Variants in SLC5A8 observed in about 807,000 individuals in gnomAD.
SLC5A8 encodes sodium-coupled monocarboxylate transporter 1.
In SLC5A8, 55 loss-of-function variants were observed where a neutral mutation model predicts 71.9. The observed-to-expected ratio is 0.77, with a 90% confidence interval of 0.62 to 0.96. SLC5A8 has a LOEUF of 0.96. Among genes scored for constraint, SLC5A8 ranks in the 40% least tolerant of loss-of-function variants. SLC5A8 has a pLI of 0.00. For synonymous variants in SLC5A8, 307 were observed against 276.1 expected, an observed-to-expected ratio of 1.11 and a Z score of -1.11; for missense variants, 701 against 745.3, an observed-to-expected ratio of 0.94 and a Z score of 0.69.
intron 10 of SLC5A8, among the ~76,000 whole-genome samples, chr12:101,176,926 G>T (rs539801697): frequency 2.0e-5 from 3 of 151,742 alleles, no homozygotes; most frequent in Non-Finnish European, 4.4e-5. Context: ...AAAGATAAAA[G>T]TTAAAAATCA....
chr12:101,195,187 T>C, intron 3 of SLC5A8, 25 bp from the exon 4 acceptor site: 1 of 1,609,958 alleles, frequency 6.2e-7, no homozygotes, highest in African/African-American at 1.3e-5. Context: ...AGAATGCATA[T>C]ATAATTGTGA....
Position 101,158,293 on chromosome 12 carries a change from G to C in SLC5A8, c.1666C>G (p.Leu556Val). ...TTGGATAAAAAGTCCTCTTTGGTTA[G>C]TATGTATCTGGGGTCTAAGTTCTGT... Reference protein sequence around the residue: ...RKQNLDPRYILTKEDFLSNFD... With the variant: ...RKQNLDPRYIVTKEDFLSNFD... Residue 556 changes from leucine (L) to valine (V), a missense_variant, in exon 14 of 15, where the codon CTA becomes GTA. Leu to Val is a conservative substitution (Grantham distance 32). Coordinates refer to ENST00000536262, the MANE Select transcript of SLC5A8 (RefSeq NM_145913.5). The C allele has an allele frequency of 6.3e-7, 1 of 1,593,458 alleles. No individual in the cohort carries two copies. Among genetic ancestry groups the C allele is most frequent in the Non-Finnish European group, 8.6e-7 (1 of 1,167,246 alleles).
At chr12:101,171,523 T>A (rs557032256) in intron 10 of SLC5A8, among the ~76,000 whole-genome samples, 4 of 152,232 alleles carry the variant, frequency 2.6e-5, no homozygotes, top group African/African-American at 9.6e-5. Context: ...TAGGAGTTGG[T>A]GGCGCCCTTG....
At chr12:101,165,724 A>G (rs1204747099) in intron 12 of SLC5A8, among the ~76,000 whole-genome samples, 8 of 152,176 alleles carry the variant, frequency 5.3e-5, no homozygotes, top group Non-Finnish European at 8.8e-5. Flanking sequence ...TAAGAGGGGT[A>G]TGCCGTGTCT....
At chr12:101,163,669 AAAAAC>A (rs1593361591) in intron 12 of SLC5A8, among the ~76,000 whole-genome samples, 2 of 152,240 alleles carry the variant, frequency 1.3e-5, no homozygotes, top group Admixed American at 6.5e-5. Flanking sequence ...AAACAAAAAC[AAAAAC>A]AAAACAATGA....
In SLC5A8 at chr12:101,178,113, T is replaced by A. The variant is rs575694489; in HGVS notation, c.1233+1916A>T. On this transcript the variant is annotated intron_variant, in intron 10 of 14. Coordinates refer to ENST00000536262, the MANE Select transcript of SLC5A8 (RefSeq NM_145913.5). ...TCAATTTTATTTCTACATTTTAGCA[T>A]TGAACACATAGACATCAACATAAAA... Among the ~76,000 whole-genome samples, 136 of 152,110 alleles carry A rather than the reference T, an allele frequency of 8.9e-4. 3 individuals carry two copies. The highest frequency in any genetic ancestry group is 2.8e-4 in the Non-Finnish European group (19 of 67,966).
Position 101,156,605 on chromosome 12 carries a change from C to G in SLC5A8, c.*674G>C, listed in dbSNP as rs2051664868. 1 of 152,172 alleles carries G rather than the reference C, an allele frequency of 6.6e-6. No individual in the cohort carries two copies. The highest frequency in any genetic ancestry group is 1.5e-5 in the Non-Finnish European group (1 of 68,088). The allele number at this position is 152,172 out of a possible 1,614,324, so 9.4% of individuals were successfully genotyped here. A position where few individuals can be genotyped will look rare whatever the true frequency, so the allele number is the denominator to read the frequency against. On this transcript the variant is annotated 3_prime_UTR_variant, in exon 15 of 15. Coordinates refer to ENST00000536262, the MANE Select transcript of SLC5A8 (RefSeq NM_145913.5). ...AGTCTAAGAAAGGCAGTATCAGCAGCCAAAGCCCAGAAACTCTAGAAAACA... is the reference window on the plus strand; with the variant it reads ...AGTCTAAGAAAGGCAGTATCAGCAGGCAAAGCCCAGAAACTCTAGAAAACA...
chr12:101,162,203 G>A (rs2051730021), intron 12 of SLC5A8, 126 bp from the exon 13 acceptor site: 1 of 637,840 alleles, frequency 1.6e-6, no homozygotes, highest in South Asian at 2.2e-5. Context: ...GTCATAACCT[G>A]CTGTCCTAAT....
intron 12 of SLC5A8, among the ~76,000 whole-genome samples, chr12:101,163,960 A>G (rs935094742): frequency 6.6e-6 from 1 of 152,232 alleles, no homozygotes; most frequent in Admixed American, 6.5e-5. Context: ...ACAGAAATCA[A>G]TTCCAAAGTG....
At chr12:101,158,598 C>CTCTATATATATATA (rs1411795424) in intron 13 of SLC5A8, among the ~76,000 whole-genome samples, 6 of 21,240 alleles carry the variant, frequency 2.8e-4, no homozygotes, top group Non-Finnish European at 3.5e-4. Flanking sequence ...CTCTCTCTCT[C>CTCTATATATATATA]TATATATATA....
intron 12 of SLC5A8, among the ~76,000 whole-genome samples, chr12:101,166,118 A>G (rs891406997): frequency 2.6e-5 from 4 of 152,190 alleles, no homozygotes; most frequent in African/African-American, 7.2e-5. Flanking sequence ...GGTCAGTAAA[A>G]TCTATCTTTC....
intron 9 of SLC5A8, among the ~76,000 whole-genome samples, chr12:101,180,639 T>C (rs1646312951): frequency 6.6e-6 from 1 of 152,190 alleles, no homozygotes; most frequent in South Asian, 2.1e-4. Context: ...GCCCTTCCTA[T>C]TAAACTAGCA....
intron 11 of SLC5A8, 43 bp from the exon 12 acceptor site, chr12:101,166,742 G>A: frequency 1.3e-6 from 2 of 1,501,486 alleles, no homozygotes; most frequent in Non-Finnish European, 1.8e-6. Flanking sequence ...AATACAATTT[G>A]CTTTGATGTC....
At chr12:101,158,351 C>T (rs2051687376) in intron 13 of SLC5A8, 23 bp from the exon 14 acceptor site, 1 of 1,497,872 alleles carries the variant, frequency 6.7e-7, no homozygotes, top group Admixed American at 1.8e-5. Context: ...ATGTACATGA[C>T]TTACGTTGTT....
At chr12:101,169,361 AG>A (rs1304273258) in intron 10 of SLC5A8, among the ~76,000 whole-genome samples, 1 of 152,226 alleles carries the variant, frequency 6.6e-6, no homozygotes, top group Admixed American at 6.5e-5. Flanking sequence ...ATATGGAAAA[AG>A]GGGAATCAAC....
At chr12:101,184,264 G>T in intron 7 of SLC5A8, 42 bp from the exon 8 acceptor site, 1 of 1,502,644 alleles carries the variant, frequency 6.7e-7, no homozygotes, top group Non-Finnish European at 9.2e-7. Flanking sequence ...TTTCGCTACT[G>T]AATAAAATTA....
rs748796336 is a variant in SLC5A8 at position 101,182,843 on chromosome 12, C to A, written c.1125G>T (p.Ser375=). 6 of 1,593,826 alleles carry A rather than the reference C, an allele frequency of 3.8e-6. No individual in the cohort carries two copies. Among genetic ancestry groups the A allele is most frequent in the Non-Finnish European group, 5.1e-6 (6 of 1,172,708 alleles). The part of the protein sequence containing the change: ...VEDLIKPYFR[S]LSERSLSWIS... ...TCCAAGACAGAGACCTTTCTGAGAG[C>A]GATCTGAAGTAAGGTTTGATTAGAT... Residue 375 remains serine, a synonymous_variant, in exon 9 of 15, where the codon TCG becomes TCT. Transcript: ENST00000536262.
intron 2 of SLC5A8, among the ~76,000 whole-genome samples, 166 bp downstream of exon 2, chr12:101,204,334 T>C (rs1869586532): frequency 6.6e-6 from 1 of 152,254 alleles, no homozygotes; most frequent in African/African-American, 2.4e-5. Context: ...TTGATGATCT[T>C]AAGGGTTGAT....
chr12:101,180,581 G>A (rs141437612), intron 9 of SLC5A8, among the ~76,000 whole-genome samples: 71 of 152,290 alleles, frequency 4.7e-4, no homozygotes, highest in Middle Eastern at 6.8e-3. Context: ...ACACTATGGG[G>A]TGTTGGACGA....
Sources: allele counts gnomAD v4.1 joint callset (sites outside exome capture counted in the v4.1 genomes callset), GRCh38; gene constraint gnomAD v4.1.1; transcripts MANE v1.5; gene names NCBI Gene and HGNC (gene_info 2026-07-23, HGNC 2026-07-21).